MAML3: variants seen among roughly 807,000 people sequenced by gnomAD.
MAML3 encodes mastermind-like protein 3.
A neutral mutation model predicts 101.9 loss-of-function variants in MAML3; 27 were observed. The observed-to-expected ratio is 0.27, with a 90% CI of 0.20 to 0.37. The LOEUF is 0.37. MAML3 is among the 10% of genes least tolerant of loss of function. The pLI is 1.00. For synonymous variants in MAML3, 501 were observed against 555.9 expected (o/e 0.90, Z 1.39); for missense variants, 1,316 against 1,444.9 (o/e 0.91, Z 1.45).
intron 2 of MAML3, among the ~76,000 whole-genome samples, chr4:139,818,634 T>C (rs1399895268): frequency 9.2e-5 from 14 of 152,044 alleles, no homozygotes; most frequent in Admixed American, 8.5e-4. Flanking sequence ...TGGAGAAAAA[T>C]TGTCATTGTC....
chr4:139,898,406 T>A (rs1732652653), intron 1 of MAML3, among the ~76,000 whole-genome samples: 1 of 152,190 alleles, frequency 6.6e-6, no homozygotes, highest in Non-Finnish European at 1.5e-5. Context: ...GAAACTGAAA[T>A]CCAGAGACTT....
At chr4:140,056,045 A>T (rs1727344009) in intron 1 of MAML3, among the ~76,000 whole-genome samples, 1 of 152,222 alleles carries the variant, frequency 6.6e-6, no homozygotes, top group Admixed American at 6.5e-5. Flanking sequence ...GGTGTGTGGC[A>T]TTAGAAGTAA....
At chr4:139,794,630 T>G (rs1578604634) in intron 2 of MAML3, among the ~76,000 whole-genome samples, 2 of 152,364 alleles carry the variant, frequency 1.3e-5, no homozygotes, top group East Asian at 3.9e-4. Context: ...GGGCTTTTAC[T>G]TGGTCTGAAG....
intron 2 of MAML3, among the ~76,000 whole-genome samples, chr4:139,826,586 G>A (rs6858561): frequency 0.4 from 60,477 of 151,912 alleles, 12,324 homozygotes; most frequent in Admixed American, 0.46. Context: ...CACATATTTC[G>A]AATGCTCTTC....
In MAML3 at chr4:139,946,917, ACACACACACTCTCTCT is replaced by A. The variant is rs1402551374; in HGVS notation, c.469-55966_469-55951del. 3.5e-3 allele frequency among the ~76,000 whole-genome samples: 501 copies of A among 141,200 alleles called. 2 individuals are homozygous for A. Among genetic ancestry groups the A allele is most frequent in the South Asian group, 6.1e-3 (27 of 4,420 alleles). The allele number at this position is 141,200 out of a possible 152,430, so 92.6% of individuals were successfully genotyped here. The stretch of plus-strand genomic sequence containing the variant: ...CACACACACACACACACACACACAC[ACACACACACTCTCTCT>A]CTCTCTCTCTCTCTCTCTCTTTAGA... On this transcript the variant is annotated intron_variant, in intron 1 of 4. Coordinates refer to ENST00000509479, the MANE Select transcript of MAML3 (RefSeq NM_018717.5).
intron 2 of MAML3, among the ~76,000 whole-genome samples, chr4:139,830,474 G>T (rs563679176): frequency 2.0e-5 from 3 of 146,908 alleles, no homozygotes; most frequent in African/African-American, 7.8e-5. Flanking sequence ...GAGTGCAGTG[G>T]TGCGATCTCG....
At chr4:139,784,385 C>T (rs899728643) in intron 2 of MAML3, among the ~76,000 whole-genome samples, 2 of 152,194 alleles carry the variant, frequency 1.3e-5, no homozygotes, top group Non-Finnish European at 2.9e-5. Flanking sequence ...TGGCGAGGCA[C>T]GGGATGAGGG....
intron 1 of MAML3, among the ~76,000 whole-genome samples, chr4:140,117,680 T>C (rs1201482158): frequency 6.6e-6 from 1 of 151,726 alleles, no homozygotes; most frequent in Non-Finnish European, 1.5e-5. Flanking sequence ...TATACGTATG[T>C]GTATATATAA....
chr4:139,842,918 T>C (rs533284079), intron 2 of MAML3, among the ~76,000 whole-genome samples: 1 of 151,600 alleles, frequency 6.6e-6, no homozygotes, highest in Non-Finnish European at 1.5e-5. Context: ...GCTGGAATTA[T>C]AGGTGTGTGC....
intron 2 of MAML3, among the ~76,000 whole-genome samples, chr4:139,769,616 C>CT (rs1325633496): frequency 2.6e-5 from 4 of 151,688 alleles, no homozygotes; most frequent in Non-Finnish European, 5.9e-5. Flanking sequence ...TGTCAAAGTT[C>CT]TTTTTCTTTT....
chr4:140,024,882 C>T (rs1274841331), intron 1 of MAML3, among the ~76,000 whole-genome samples: 1 of 152,044 alleles, frequency 6.6e-6, no homozygotes, highest in Non-Finnish European at 1.5e-5. Context: ...AATCTTCTTC[C>T]CAAATGCTTA....
At chr4:139,810,620 C>T (rs988863729) in intron 2 of MAML3, among the ~76,000 whole-genome samples, 2 of 152,172 alleles carry the variant, frequency 1.3e-5, no homozygotes, top group Non-Finnish European at 2.9e-5. Flanking sequence ...GAAACTAACA[C>T]TTATGGAGGG....
At chr4:139,948,254 A>C (rs1257365495) in intron 1 of MAML3, among the ~76,000 whole-genome samples, 1 of 152,106 alleles carries the variant, frequency 6.6e-6, no homozygotes, top group Non-Finnish European at 1.5e-5. Flanking sequence ...AAGCAAACAC[A>C]CTCCTGAGCA....
chr4:139,932,838 C>T (rs981712270), intron 1 of MAML3, among the ~76,000 whole-genome samples: 1 of 152,144 alleles, frequency 6.6e-6, no homozygotes, highest in Non-Finnish European at 1.5e-5. Context: ...GGAAAACGAC[C>T]AAATTCCACA....
At chr4:139,921,931 G>A (rs1003783624) in intron 1 of MAML3, among the ~76,000 whole-genome samples, 1 of 152,216 alleles carries the variant, frequency 6.6e-6, no homozygotes, top group Non-Finnish European at 1.5e-5. Context: ...TCAGTGTGGG[G>A]AGGCAATTAC....
chr4:139,890,661 A>G lies in MAML3; in HGVS notation c.775T>C (p.Cys259Arg). 6.2e-7 allele frequency: 1 copy of G among 1,613,958 alleles called. No individual in the cohort carries two copies. Residue 259 changes from cysteine (C) to arginine (R), a missense_variant, in exon 2 of 5, where the codon TGC becomes CGC. Transcript: ENST00000509479. The surrounding 1 kb of genome is among the most constrained non-coding windows in gnomAD (Gnocchi z 4.1). ...LPEIKLPVNG[C>R]SDLEDSFTIL... is the part of the protein sequence containing the mutation. ...GTGAAGCTATCCTCCAGGTCACTGC[A>G]ACCGTTGACAGGAAGTTTAATCTCA...
intron 2 of MAML3, among the ~76,000 whole-genome samples, chr4:139,758,902 A>T (rs1408593314): frequency 6.6e-6 from 1 of 152,198 alleles, no homozygotes; most frequent in Non-Finnish European, 1.5e-5. Flanking sequence ...AGAACCACTG[A>T]GCTGGAAGGG....
intron 1 of MAML3, among the ~76,000 whole-genome samples, chr4:139,970,943 C>T (rs1213532689): frequency 1.3e-5 from 2 of 152,136 alleles, no homozygotes; most frequent in Admixed American, 6.6e-5. Context: ...GATATGGAAT[C>T]GCCCATAATC....
chr4:139,848,020 A>T (rs1487281255), intron 2 of MAML3, among the ~76,000 whole-genome samples: 1 of 151,742 alleles, frequency 6.6e-6, no homozygotes, highest in Non-Finnish European at 1.5e-5. Flanking sequence ...GAAATTACAT[A>T]TTGTAAGCGA....
Sources: gnomAD v4.1 joint callset for allele counts (sites outside exome capture counted in the v4.1 genomes callset) on GRCh38, gnomAD v4.1.1 for gene constraint, Gnocchi (gnomAD v3.1) non-coding constraint, MANE v1.5 for transcripts, NCBI Gene and HGNC (gene_info 2026-07-23, HGNC 2026-07-21) for gene names.